Variants in RO60 observed in about 807,000 individuals in gnomAD.
RO60 encodes RNA-binding protein RO60.
A neutral mutation model predicts 55.3 loss-of-function variants in RO60; 20 were observed. The ratio of observed to expected loss-of-function variants is 0.36; its 90% confidence interval spans 0.25 to 0.53. The LOEUF (loss-of-function observed/expected upper bound fraction) is 0.53. Ranked by LOEUF, RO60 falls within the 20% of genes least tolerant of loss-of-function variation. The pLI is 0.92. For synonymous variants in RO60, 213 were observed against 213.6 expected (o/e 1.00, Z 0.02); for missense variants, 558 against 646.6 (o/e 0.86, Z 1.49).
Position 193,076,559 on chromosome 1 carries a change from A to G in RO60, c.860A>G (p.Lys287Arg). The G allele has an allele frequency of 6.2e-7, 1 of 1,612,830 alleles. No homozygotes were observed. Among genetic ancestry groups the G allele is most frequent in the Non-Finnish European group, 8.5e-7 (1 of 1,179,434 alleles). ...PLTALLRNLG[K>R]MTANSVLEPG... ...ACTGCATTACTAAGGAATCTAGGAA[A>G]GATGACTGCTAATTCAGTACTTGAA... Residue 287 changes from lysine (K) to arginine (R), a missense_variant, in exon 4 of 9, where the codon AAG (lysine) becomes AGG (arginine). Lys to Arg is a conservative substitution (Grantham distance 26). Coordinates refer to ENST00000400968, the MANE Select transcript of RO60 (RefSeq NM_001173524.2).
At chr1:193,080,131 C>CA (rs1558250044) in intron 5 of RO60, among the ~76,000 whole-genome samples, 4 of 148,228 alleles carry the variant, frequency 2.7e-5, no homozygotes, top group Admixed American at 2.0e-4. Context: ...AACTCTGTCT[C>CA]AAAAAACAAA....
In RO60 at chr1:193,090,423, C is replaced by A. The variant is rs1194628761; in HGVS notation, c.*5692C>A. 6.6e-6 allele frequency: 1 copy of A among 151,046 alleles called. No individual in the cohort carries two copies. The highest frequency in any genetic ancestry group is 2.4e-5 in the African/African-American group (1 of 41,078). 9.4% of individuals were successfully genotyped at this position (151,046 alleles called of 1,614,324 possible). A position where few individuals can be genotyped will look rare whatever the true frequency, so the allele number is the denominator to read the frequency against. ...TAGTACTCAAAGTGTTTTTGTTGCA[C>A]TGTTACTCTGAATATGGACTCTCTA... On this transcript the variant is annotated 3_prime_UTR_variant, in exon 9 of 9. Coordinates refer to ENST00000400968, the MANE Select transcript of RO60 (RefSeq NM_001173524.2).
intron 2 of RO60, among the ~76,000 whole-genome samples, chr1:193,069,847 G>T (rs1039825788): frequency 3.9e-5 from 6 of 152,164 alleles, no homozygotes; most frequent in African/African-American, 1.4e-4. Flanking sequence ...TCAAATGACA[G>T]GTTTATAGGT....
chr1:193,069,423 C>T lies in RO60; in HGVS notation c.369C>T (p.Thr123=), dbSNP rs925686761. The change falls in exon 2 of 9, where the codon ACC becomes ACT. Residue 123 remains threonine (T), a synonymous_variant. Transcript: ENST00000400968. ...KAVSEVCRIP[T]HLFTFIQFKK... is the part of the protein sequence containing the mutation. ...TTTCTGAAGTTTGTCGCATTCCTAC[C>T]CATCTCTTTACTTTTATCCAGTTTA... The T allele has an allele frequency of 6.2e-7, 1 of 1,614,158 alleles. No homozygotes were observed. Among genetic ancestry groups the T allele is most frequent in the East Asian group, 2.2e-5 (1 of 44,890 alleles).
In RO60 at chr1:193,075,947, G is replaced by T; in HGVS notation, c.708G>T (p.Lys236Asn). Residue 236 changes from lysine to asparagine, a missense_variant, in exon 3 of 9, where the codon AAG (lysine) becomes AAT (asparagine). Physicochemically the swap from Lys to Asn is moderately conservative, Grantham distance 94. Transcript: ENST00000400968. ...LKYLEAVEKV[K>N]RTRDELEVIH... ...ATCTGGAGGCTGTAGAGAAAGTGAA[G>T]CGCACAAGAGATGAGCTAGAAGTCA... 1.2e-6 allele frequency: 2 copies of T among 1,613,372 alleles called. No homozygotes were observed. Among genetic ancestry groups the T allele is most frequent in the Non-Finnish European group, 1.7e-6 (2 of 1,179,588 alleles).
chr1:193,082,350 A>G, intron 7 of RO60, 51 bp downstream of exon 7: 1 of 1,439,490 alleles, frequency 6.9e-7, no homozygotes, highest in Non-Finnish European at 9.6e-7. Context: ...CATAACGTGT[A>G]GAATGATTTT....
rs1265563010 is a variant in RO60, at chr1:193,089,364, C to A, written c.*4633C>A. 2.6e-5 allele frequency: 4 copies of A among 152,016 alleles called. No individual in the cohort carries two copies. The highest frequency in any genetic ancestry group is 9.7e-5 in the African/African-American group (4 of 41,388). 9.4% of individuals were successfully genotyped at this position (152,016 alleles called of 1,614,324 possible). A position where few individuals can be genotyped will look rare whatever the true frequency, so the allele number is the denominator to read the frequency against. On this transcript the variant is annotated 3_prime_UTR_variant, in exon 9 of 9. Coordinates refer to ENST00000400968, the MANE Select transcript of RO60 (RefSeq NM_001173524.2). ...ATTTCACTGAGCATATATAGAGATA[C>A]GTTGCTTGTGGCATAAAAAGTCTTG... is the stretch of plus-strand genomic sequence containing the variant.
At chr1:193,064,821 G>T (rs1445054796) in intron 1 of RO60, among the ~76,000 whole-genome samples, 3 of 152,040 alleles carry the variant, frequency 2.0e-5, no homozygotes, top group Non-Finnish European at 4.4e-5. Context: ...GGGATTATAA[G>T]GATTATACTT....
intron 1 of RO60, among the ~76,000 whole-genome samples, chr1:193,067,770 T>C (rs575665894): frequency 6.6e-6 from 1 of 152,144 alleles, no homozygotes; most frequent in African/African-American, 2.4e-5. Context: ...TCTAGGAGTT[T>C]TAGAGCTAAT....
intron 5 of RO60, among the ~76,000 whole-genome samples, chr1:193,080,753 G>T (rs1285675087): frequency 1.3e-5 from 2 of 152,106 alleles, no homozygotes; most frequent in African/African-American, 4.8e-5. Context: ...AGTAAAATAA[G>T]CCAGACAAAC....
chr1:193,072,434 CTTT>C (rs772802885), intron 2 of RO60, among the ~76,000 whole-genome samples: 3 of 137,878 alleles, frequency 2.2e-5, no homozygotes, highest in African/African-American at 2.7e-5. Flanking sequence ...TTTTCTTTGT[CTTT>C]TTTTTTTTTG....
At chr1:193,082,805 C>T in intron 8 of RO60, 97 bp downstream of exon 8, 1 of 1,108,660 alleles carries the variant, frequency 9.0e-7, no homozygotes, top group Non-Finnish European at 1.2e-6. Flanking sequence ...CATTCTGTTG[C>T]CCTGGCTGGA....
chr1:193,061,397 G>GCT (rs1672708673), intron 1 of RO60, among the ~76,000 whole-genome samples: 1 of 152,078 alleles, frequency 6.6e-6, no homozygotes, highest in Non-Finnish European at 1.5e-5. Flanking sequence ...CATTTAAAAA[G>GCT]GAATAATCTG....
intron 5 of RO60, among the ~76,000 whole-genome samples, chr1:193,077,998 C>A (rs1459361423): frequency 6.6e-6 from 1 of 152,090 alleles, no homozygotes; most frequent in African/African-American, 2.4e-5. Context: ...AAACATCTTG[C>A]TATATAACAA....
At chr1:193,079,290 T>C (rs147162111) in intron 5 of RO60, among the ~76,000 whole-genome samples, 1 of 152,134 alleles carries the variant, frequency 6.6e-6, no homozygotes, top group Non-Finnish European at 1.5e-5. Flanking sequence ...GGTTTCACTG[T>C]GTTGGCCAGT....
At chr1:193,075,674 A>T (rs1372830898) in intron 2 of RO60, 146 bp from the exon 3 acceptor site, 1 of 522,838 alleles carries the variant, frequency 1.9e-6, no homozygotes. Flanking sequence ...CTTAATTGTT[A>T]TATCATGGAA....
At position 193,075,970 on chromosome 1, in the gene RO60, T is replaced by C. The variant is rs756706118; in HGVS notation, c.731T>C (p.Val244Ala). Reference protein sequence around the residue: ...KVKRTRDELEVIHLIEEHRLV... With the variant: ...KVKRTRDELEAIHLIEEHRLV... ...AAGCGCACAAGAGATGAGCTAGAAG[T>C]CATTCATCTAATAGAAGAACATAGA... Residue 244 changes from valine to alanine, a missense_variant, in exon 3 of 9, where the codon GTC becomes GCC. Physicochemically the swap from Val to Ala is moderately conservative, Grantham distance 64. Coordinates refer to ENST00000400968, the MANE Select transcript of RO60 (RefSeq NM_001173524.2). 2.6e-5 allele frequency: 42 copies of C among 1,613,032 alleles called. No homozygotes were observed. The highest frequency in any genetic ancestry group is 3.6e-5 in the Non-Finnish European group (42 of 1,179,546).
At position 193,084,738 on chromosome 1, in the gene RO60, G is replaced by C; in HGVS notation, c.*7G>C. On this transcript the variant is annotated 3_prime_UTR_variant, in exon 9 of 9. Transcript: ENST00000400968. ...CACATTAGATATGATTTAACCATAA[G>C]CAGCAGCACGATCCAGAGATCCATT... 6.2e-7 allele frequency: 1 copy of C among 1,608,294 alleles called. No homozygotes were observed.
chr1:193,068,878 T>G, intron 1 of RO60, 156 bp from the exon 2 acceptor site: 1 of 534,650 alleles, frequency 1.9e-6, no homozygotes, highest in Non-Finnish European at 3.2e-6. Context: ...CTTCAGGACA[T>G]TTATATTGAT....
Sources: allele counts gnomAD v4.1 joint callset (sites outside exome capture counted in the v4.1 genomes callset), GRCh38; gene constraint gnomAD v4.1.1; transcripts MANE v1.5; gene names NCBI Gene and HGNC (gene_info 2026-07-23, HGNC 2026-07-21).